Variants in KCNT2 observed in about 807,000 individuals in gnomAD.
KCNT2 encodes the protein potassium channel subfamily T member 2.
KCNT2 carries 67 observed loss-of-function variants against 153.8 expected under a neutral mutation model. The ratio of observed to expected loss-of-function variants is 0.44; its 90% CI spans 0.36 to 0.53. The LOEUF is 0.53. Ranked by LOEUF, KCNT2 falls within the 20% of genes least tolerant of loss-of-function variation. KCNT2 has a pLI of 0.00. For missense variants in KCNT2, 975 were observed against 1,354.8 expected (o/e 0.72, Z 4.40); for synonymous variants, 500 against 458.8 (o/e 1.09, Z -1.15).
intron 26 of KCNT2, among the ~76,000 whole-genome samples, chr1:196,245,908 A>T (rs1258057087): frequency 1.3e-5 from 2 of 152,206 alleles, no homozygotes; most frequent in Non-Finnish European, 2.9e-5. Context: ...GGAGGTTGAA[A>T]GATAGGCTTA....
chr1:196,598,303 G>A (rs1664321963), intron 1 of KCNT2, among the ~76,000 whole-genome samples: 1 of 151,540 alleles, frequency 6.6e-6, no homozygotes, highest in Admixed American at 6.6e-5. Flanking sequence ...TTTGTTTCTG[G>A]GATACTAACT....
rs113623806 is a variant in KCNT2, at chr1:196,536,717, G to A, written c.96-44376C>T. Among the ~76,000 whole-genome samples the A allele has an allele frequency of 7.0e-3, 1,059 of 152,196 alleles. 10 individuals carry two copies. Among genetic ancestry groups the A allele is most frequent in the African/African-American group, 0.022 (926 of 41,528 alleles). ...TGTTACCCATGAAAGCACCCATCTC[G>A]CCACTGGGTAAGTCATCCATACGAC... On this transcript the variant is annotated intron_variant, in intron 1 of 27. Coordinates refer to ENST00000294725, the MANE Select transcript of KCNT2 (RefSeq NM_198503.5).
At chr1:196,495,624 T>C (rs12065463) in intron 1 of KCNT2, among the ~76,000 whole-genome samples, 49,620 of 151,878 alleles carry the variant, frequency 0.33, 8,134 homozygotes, top group Admixed American at 0.39. Flanking sequence ...ATCTTTCGTG[T>C]ACTCTTACAC....
chr1:196,485,154 G>C (rs1430441345), intron 3 of KCNT2, among the ~76,000 whole-genome samples: 1 of 151,956 alleles, frequency 6.6e-6, no homozygotes, highest in Non-Finnish European at 1.5e-5. Context: ...TAGGGACATG[G>C]ATGAAGGTGG....
intron 13 of KCNT2, among the ~76,000 whole-genome samples, chr1:196,373,644 A>G (rs1361951775): frequency 6.6e-6 from 1 of 151,922 alleles, no homozygotes; most frequent in African/African-American, 2.4e-5. Context: ...TATAAAATAC[A>G]ACAGTACTGA....
chr1:196,536,333 G>A (rs555438172), intron 1 of KCNT2, among the ~76,000 whole-genome samples: 7 of 152,358 alleles, frequency 4.6e-5, no homozygotes, highest in African/African-American at 1.7e-4. Flanking sequence ...ACAAGGTTAA[G>A]CCTCGATAAA....
At chr1:196,517,721 GA>G (rs898833414) in intron 1 of KCNT2, among the ~76,000 whole-genome samples, 5 of 151,862 alleles carry the variant, frequency 3.3e-5, no homozygotes, top group South Asian at 2.1e-4. Context: ...CAAAAATAAA[GA>G]AAAAAAGAAT....
In KCNT2 at chr1:196,396,657, T is replaced by C. The variant is rs183264521; in HGVS notation, c.1294+1906A>G. On this transcript the variant is annotated intron_variant, in intron 13 of 27. Coordinates refer to ENST00000294725, the MANE Select transcript of KCNT2 (RefSeq NM_198503.5). ...ATGTAAAAAGAGATCCTCTGAAATG[T>C]AATCTCAGTCATAAAAGAATGTAGG... 4.0e-5 allele frequency among the ~76,000 whole-genome samples: 6 copies of C among 151,786 alleles called. No individual in the cohort carries two copies. In the East Asian group the frequency reaches 1.2e-3, roughly 30 times the overall value.
At chr1:196,400,782 A>G (rs1049413863) in intron 12 of KCNT2, among the ~76,000 whole-genome samples, 40 of 151,830 alleles carry the variant, frequency 2.6e-4, no homozygotes, top group African/African-American at 9.7e-4. Flanking sequence ...TGCATATGAC[A>G]ACTATTAAAA....
At chr1:196,366,964 G>A (rs1389049556) in intron 14 of KCNT2, among the ~76,000 whole-genome samples, 1 of 152,078 alleles carries the variant, frequency 6.6e-6, no homozygotes, top group East Asian at 1.9e-4. Flanking sequence ...AATGTTAATT[G>A]GGTTTGGCAG....
At chr1:196,454,162 A>G (rs1217263789) in intron 8 of KCNT2, among the ~76,000 whole-genome samples, 6 of 151,938 alleles carry the variant, frequency 3.9e-5, no homozygotes, top group Admixed American at 3.3e-4. Flanking sequence ...ACCATCTTGG[A>G]ATTTCCAGTA....
chr1:196,413,473 A>C (rs1056029750), intron 12 of KCNT2, among the ~76,000 whole-genome samples: 1 of 151,704 alleles, frequency 6.6e-6, no homozygotes, highest in African/African-American at 2.4e-5. Flanking sequence ...AATAGTAGAA[A>C]TGTTGACTAA....
At chr1:196,385,791 ATT>A (rs1375038265) in intron 13 of KCNT2, among the ~76,000 whole-genome samples, 3 of 149,964 alleles carry the variant, frequency 2.0e-5, no homozygotes, top group Admixed American at 6.7e-5. Context: ...ATATATATAT[ATT>A]TTGGATCTGT....
intron 1 of KCNT2, among the ~76,000 whole-genome samples, chr1:196,525,084 A>G (rs1653994385): frequency 6.6e-6 from 1 of 152,152 alleles, no homozygotes; most frequent in Admixed American, 6.6e-5. Context: ...TTAGATGTCA[A>G]TGTCATTTAC....
chr1:196,250,069 T>A (rs1358666108), intron 26 of KCNT2, among the ~76,000 whole-genome samples: 3 of 151,920 alleles, frequency 2.0e-5, no homozygotes, highest in African/African-American at 7.3e-5. Flanking sequence ...AAAATACCAA[T>A]GATATTCTTC....
intron 25 of KCNT2, among the ~76,000 whole-genome samples, chr1:196,274,756 G>A (rs1400690310): frequency 6.6e-6 from 1 of 151,704 alleles, no homozygotes; most frequent in African/African-American, 2.4e-5. Flanking sequence ...AATTATGTTG[G>A]TATATTAATA....
chr1:196,557,189 C>T (rs575977717), intron 1 of KCNT2, among the ~76,000 whole-genome samples: 1 of 151,152 alleles, frequency 6.6e-6, no homozygotes, highest in Admixed American at 6.6e-5. Flanking sequence ...TATAGATACC[C>T]TATTTTCCAT....
intron 1 of KCNT2, among the ~76,000 whole-genome samples, chr1:196,547,551 T>G (rs946320254): frequency 2.6e-5 from 4 of 152,016 alleles, no homozygotes; most frequent in African/African-American, 9.7e-5. Flanking sequence ...CACTTAAGTT[T>G]GTTTCTATCA....
chr1:196,234,486 T>G (rs1654244095), intron 27 of KCNT2, among the ~76,000 whole-genome samples: 1 of 151,392 alleles, frequency 6.6e-6, no homozygotes, highest in African/African-American at 2.4e-5. Context: ...TACAATGCTT[T>G]ATCTTGATGC....
Sources: gnomAD v4.1 joint callset for allele counts (sites outside exome capture counted in the v4.1 genomes callset) on GRCh38, gnomAD v4.1.1 for gene constraint, MANE v1.5 for transcripts, NCBI Gene and HGNC (gene_info 2026-07-23, HGNC 2026-07-21) for gene names.